The following SNX6 variants were observed in gnomAD, a reference collection of about 807,000 sequenced individuals.
SNX6 encodes sorting nexin 6, also known as sorting nexin-6.
Under a neutral mutation model 63.0 loss-of-function variants are expected in SNX6, and 34 were observed. The observed-to-expected ratio is 0.54, with a 90% CI of 0.41 to 0.72. The LOEUF (loss-of-function observed/expected upper bound fraction) is 0.72, where lower values mean the gene tolerates loss of function less well. Ranked by LOEUF, SNX6 falls within the 30% of genes least tolerant of loss-of-function variation. The pLI, the probability that SNX6 is intolerant of heterozygous loss-of-function variation, is 0.00. For missense variants in SNX6, 398 were observed against 471.4 expected (o/e 0.84, Z 1.44); for synonymous variants, 170 against 164.2 (o/e 1.04, Z -0.27).
At chr14:34,563,463 G>C (rs1444268104) in intron 13 of SNX6, among the ~76,000 whole-genome samples, 1 of 151,866 alleles carries the variant, frequency 6.6e-6, no homozygotes, top group African/African-American at 2.4e-5. Flanking sequence ...GTATGCTGAG[G>C]CAAGAGAATG....
intron 10 of SNX6, among the ~76,000 whole-genome samples, chr14:34,580,060 C>G (rs937177389): frequency 3.3e-5 from 5 of 152,206 alleles, no homozygotes; most frequent in South Asian, 2.1e-4. Flanking sequence ...TGGCACATGC[C>G]TGTAATCTCA....
chr14:34,577,178 G>T (rs1363606351), intron 10 of SNX6, among the ~76,000 whole-genome samples: 1 of 151,962 alleles, frequency 6.6e-6, no homozygotes, highest in Admixed American at 6.6e-5. Context: ...GGCCTCCTGG[G>T]TTCAAGCGAT....
At chr14:34,630,078 C>G (rs1419107343) in intron 1 of SNX6, 33 bp downstream of exon 1, 2 of 1,453,686 alleles carry the variant, frequency 1.4e-6, no homozygotes, top group South Asian at 2.7e-5. Context: ...CCCCACCGCG[C>G]TCCCGGGACT....
At chr14:34,598,685 T>C (rs1206272192) in intron 6 of SNX6, among the ~76,000 whole-genome samples, 1 of 152,160 alleles carries the variant, frequency 6.6e-6, no homozygotes, top group African/African-American at 2.4e-5. Context: ...GACTGGCCCA[T>C]ATCTTGAAGC....
chr14:34,584,797 G>T (rs1456273027), intron 9 of SNX6, among the ~76,000 whole-genome samples: 1 of 151,734 alleles, frequency 6.6e-6, no homozygotes, highest in African/African-American at 2.4e-5. Flanking sequence ...TTATTTCTCA[G>T]ATTTAAAAAA....
intron 6 of SNX6, among the ~76,000 whole-genome samples, chr14:34,600,416 C>A (rs1882764745): frequency 6.6e-6 from 1 of 151,570 alleles, no homozygotes; most frequent in Admixed American, 6.6e-5. Flanking sequence ...TGAGCCACCG[C>A]ACCCGGCATT....
At chr14:34,627,624 G>C (rs1883880507) in intron 2 of SNX6, among the ~76,000 whole-genome samples, 1 of 152,064 alleles carries the variant, frequency 6.6e-6, no homozygotes, top group African/African-American at 2.4e-5. Context: ...GAAGTAACTG[G>C]AATTACAGGC....
chr14:34,597,494 T>G, intron 7 of SNX6, 56 bp downstream of exon 7: 1 of 1,004,208 alleles, frequency 1.0e-6, no homozygotes, highest in East Asian at 2.4e-5. Context: ...TCTCAATCTA[T>G]CTCCCTTTTA....
Position 34,570,298 on chromosome 14 carries a change from T to G in SNX6, c.922-2285A>C, listed in dbSNP as rs1299387322. On this transcript the variant is annotated intron_variant, in intron 11 of 13. Transcript: ENST00000362031. ...TCATGCTGGTCTTGAACTCCCGACC[T>G]CAAGTAATCTGCCCACCTCTGCCTC... Among the ~76,000 whole-genome samples, 3 of 151,908 alleles carry G rather than the reference T, an allele frequency of 2.0e-5. No homozygotes were observed. In the South Asian group the frequency reaches 6.2e-4, roughly 32 times the overall value.
At chr14:34,625,459 G>A (rs1376977208) in intron 2 of SNX6, among the ~76,000 whole-genome samples, 2 of 152,046 alleles carry the variant, frequency 1.3e-5, no homozygotes, top group Non-Finnish European at 2.9e-5. Context: ...TCGGCCGGGC[G>A]CGGTGGCTCA....
intron 8 of SNX6, among the ~76,000 whole-genome samples, chr14:34,591,406 T>A (rs1230544394): frequency 6.6e-6 from 1 of 152,110 alleles, no homozygotes; most frequent in Admixed American, 6.6e-5. Context: ...TTCACTAGTA[T>A]CATCATCAAT....
chr14:34,575,489 C>A, intron 11 of SNX6: 1 of 177,256 alleles, frequency 5.6e-6, no homozygotes, highest in Non-Finnish European at 1.2e-5. Context: ...CGTGAGCCAC[C>A]ACACCTGACC....
chr14:34,623,652 G>A (rs1438121419), intron 2 of SNX6, among the ~76,000 whole-genome samples: 1 of 152,114 alleles, frequency 6.6e-6, no homozygotes, highest in Admixed American at 6.6e-5. Context: ...CATTTCCAAG[G>A]TGAAATTAAC....
intron 2 of SNX6, among the ~76,000 whole-genome samples, chr14:34,626,162 T>G (rs1883816684): frequency 6.6e-6 from 1 of 152,178 alleles, no homozygotes; most frequent in African/African-American, 2.4e-5. Flanking sequence ...TTATAATTAT[T>G]ATGATTCACC....
At chr14:34,604,200 A>T (rs893825766) in intron 5 of SNX6, 1 of 1,289,006 alleles carries the variant, frequency 7.8e-7, no homozygotes, top group South Asian at 1.2e-5. Flanking sequence ...TTCAGTGAAG[A>T]CAAAAAAGAA....
intron 2 of SNX6, among the ~76,000 whole-genome samples, chr14:34,610,187 T>C (rs570584007): frequency 5.7e-5 from 8 of 139,714 alleles, no homozygotes; most frequent in Admixed American, 4.2e-4. Flanking sequence ...CTACAGAAAT[T>C]GAAAAAAAAA....
intron 11 of SNX6, among the ~76,000 whole-genome samples, chr14:34,570,948 C>A (rs560401681): frequency 1.3e-5 from 2 of 151,000 alleles, no homozygotes; most frequent in Admixed American, 6.6e-5. Context: ...TGGTCTCGAT[C>A]TCCTGACCTC....
chr14:34,566,493 C>G (rs567617773), intron 13 of SNX6, among the ~76,000 whole-genome samples: 1 of 152,164 alleles, frequency 6.6e-6, no homozygotes, highest in Non-Finnish European at 1.5e-5. Flanking sequence ...GGATTACAGG[C>G]GTGAGCCACC....
intron 11 of SNX6, among the ~76,000 whole-genome samples, 166 bp from the exon 12 acceptor site, chr14:34,568,179 T>C (rs577365725): frequency 6.6e-6 from 1 of 151,470 alleles, no homozygotes; most frequent in Admixed American, 6.6e-5. Flanking sequence ...AGTTTTGCTC[T>C]TGTGGCCCAG....
Sources: gnomAD v4.1 joint callset for allele counts (sites outside exome capture counted in the v4.1 genomes callset) on GRCh38, gnomAD v4.1.1 for gene constraint, MANE v1.5 for transcripts, NCBI Gene and HGNC (gene_info 2026-07-23, HGNC 2026-07-21) for gene names.